Variants in STON2 observed in about 807,000 individuals in gnomAD.
The protein encoded by STON2 is stonin-2.
STON2 carries 29 observed loss-of-function variants against 65.7 expected under a neutral mutation model. The ratio of observed to expected loss-of-function variants is 0.44; its 90% CI spans 0.33 to 0.60. The LOEUF (loss-of-function observed/expected upper bound fraction) is 0.60. Among genes scored for constraint, STON2 ranks in the 20% least tolerant of loss-of-function variants. STON2 has a pLI of 0.03. For missense variants in STON2, 1,054 were observed against 1,118.1 expected (o/e 0.94, Z 0.82); for synonymous variants, 404 against 414.2 (o/e 0.98, Z 0.30).
intron 5 of STON2, among the ~76,000 whole-genome samples, chr14:81,304,936 C>T (rs1183538404): frequency 1.3e-5 from 2 of 151,996 alleles, no homozygotes; most frequent in African/African-American, 4.8e-5. Flanking sequence ...AGACAGATCC[C>T]CAGAAGACCC....
chr14:81,330,694 G>C (rs964549727), intron 4 of STON2, among the ~76,000 whole-genome samples: 1 of 152,152 alleles, frequency 6.6e-6, no homozygotes, highest in Non-Finnish European at 1.5e-5. Flanking sequence ...ACATGATTTA[G>C]CACTTAATTG....
chr14:81,268,418 T>C lies in STON2; in HGVS notation c.2864A>G (p.Gln955Arg). ...ATTCCTTGCCGCAAGGCTTTGTCAC[T>C]GCACTCCACACTCCTTGGGATTTTC... ...EMENPKECGV[Q>R] is the part of the protein sequence containing the mutation. Residue 955 changes from glutamine to arginine, a missense_variant, in exon 8 of 8, where the codon CAG (glutamine) becomes CGG (arginine). Transcript: ENST00000614646. 1.6e-6 allele frequency: 2 copies of C among 1,289,584 alleles called. No individual in the cohort carries two copies. Among genetic ancestry groups the C allele is most frequent in the Non-Finnish European group, 2.0e-6 (2 of 988,696 alleles). The allele number at this position is 1,289,584 out of a possible 1,614,324, so 79.9% of individuals were successfully genotyped here.
At chr14:81,316,870 A>G (rs1302901229) in intron 5 of STON2, among the ~76,000 whole-genome samples, 1 of 152,140 alleles carries the variant, frequency 6.6e-6, no homozygotes, top group Non-Finnish European at 1.5e-5. Context: ...AATACAAAAA[A>G]TTAGCCGGGC....
chr14:81,391,307 A>G lies in STON2; in HGVS notation c.373+4587T>C, dbSNP rs1022180092. Among the ~76,000 whole-genome samples the G allele has an allele frequency of 3.0e-4, 46 of 152,242 alleles. 1 individual carries two copies. Among genetic ancestry groups the G allele is most frequent in the African/African-American group, 9.9e-4 (41 of 41,462 alleles). Reference sequence around the variant, plus strand: ...ATTTCTGCATAATGCCTGCAGTTACATATGTGGTATTATTGCAATATACAG... The same window carrying G: ...ATTTCTGCATAATGCCTGCAGTTACGTATGTGGTATTATTGCAATATACAG... On this transcript the variant is annotated intron_variant, in intron 3 of 7. Transcript: ENST00000614646.
intron 4 of STON2, among the ~76,000 whole-genome samples, chr14:81,331,702 C>T (rs942826281): frequency 2.6e-5 from 4 of 152,162 alleles, no homozygotes; most frequent in Admixed American, 2.6e-4. Flanking sequence ...ATGTTGAAGC[C>T]GTTGGACTTG....
chr14:81,312,366 G>T (rs963646077), intron 5 of STON2, among the ~76,000 whole-genome samples: 2 of 151,850 alleles, frequency 1.3e-5, no homozygotes, highest in African/African-American at 4.8e-5. Context: ...ACTTTTACTG[G>T]TCTTACCTGC....
At chr14:81,352,632 T>C (rs1046635528) in intron 4 of STON2, among the ~76,000 whole-genome samples, 1 of 152,208 alleles carries the variant, frequency 6.6e-6, no homozygotes, top group Non-Finnish European at 1.5e-5. Flanking sequence ...ATTCTTAATT[T>C]TAGCACTTAA....
chr14:81,394,705 C>A (rs1404606662), intron 3 of STON2, among the ~76,000 whole-genome samples: 2 of 152,090 alleles, frequency 1.3e-5, no homozygotes, highest in African/African-American at 4.8e-5. Context: ...ATGCCACATT[C>A]CTGGCTTTGG....
At chr14:81,284,167 A>G (rs966482926) in intron 5 of STON2, among the ~76,000 whole-genome samples, 7 of 152,188 alleles carry the variant, frequency 4.6e-5, no homozygotes, top group African/African-American at 1.7e-4. Flanking sequence ...CAATATTGAA[A>G]TTAGGCCAAT....
Position 81,266,847 on chromosome 14 carries a change from C to T in STON2, c.*1567G>A, listed in dbSNP as rs1894376877. On this transcript the variant is annotated 3_prime_UTR_variant, in exon 8 of 8. Coordinates refer to ENST00000614646, the MANE Select transcript of STON2 (RefSeq NM_001394390.1). ...ACACAAACACACACATCCACAAACACACACTCCACTCTGTACTTAGAGGGT... is the reference window on the plus strand; with the variant it reads ...ACACAAACACACACATCCACAAACATACACTCCACTCTGTACTTAGAGGGT... 2.1e-5 allele frequency: 21 copies of T among 982,122 alleles called. No individual in the cohort carries two copies. The highest frequency in any genetic ancestry group is 2.4e-5 in the Non-Finnish European group (20 of 827,248). The allele number at this position is 982,122 out of a possible 1,614,324, so 60.8% of individuals were successfully genotyped here. A position where few individuals can be genotyped will look rare whatever the true frequency, so the allele number is the denominator to read the frequency against.
intron 1 of STON2, chr14:81,436,043 G>A (rs1482729988): frequency 2.6e-5 from 4 of 152,312 alleles, no homozygotes; most frequent in Admixed American, 6.5e-5. Flanking sequence ...AAGTGTCTGT[G>A]TATGGGGCCA....
At chr14:81,273,674 G>A (rs527245897) in intron 6 of STON2, among the ~76,000 whole-genome samples, 9 of 152,144 alleles carry the variant, frequency 5.9e-5, no homozygotes, top group African/African-American at 1.9e-4. Context: ...GGAATTCAAA[G>A]GTAGCTGCTT....
intron 5 of STON2, among the ~76,000 whole-genome samples, chr14:81,302,787 G>A (rs1473704680): frequency 2.0e-5 from 3 of 152,222 alleles, no homozygotes; most frequent in Non-Finnish European, 4.4e-5. Flanking sequence ...AGATCTGTAA[G>A]CCTCAGGTCC....
Position 81,277,308 on chromosome 14 carries a change from T to C in STON2, c.2174A>G (p.Asp725Gly), listed in dbSNP as rs1406093118. The change falls in exon 6 of 8, where the codon GAT becomes GGT. Residue 725 changes from aspartate (D) to glycine (G), a missense_variant. Physicochemically the swap from Asp to Gly is moderately conservative, Grantham distance 94. Coordinates refer to ENST00000614646, the MANE Select transcript of STON2 (RefSeq NM_001394390.1). ...NSRVILFNPLDACRFELMRFR... is the reference protein window; with the variant it reads ...NSRVILFNPLGACRFELMRFR... ...CCGCATTAGCTCAAACCGGCACGCA[T>C]CCAAAGGGTTGAACAGAATGACCCG... The C allele has an allele frequency of 3.1e-6, 5 of 1,614,016 alleles. No individual in the cohort carries two copies. Among genetic ancestry groups the C allele is most frequent in the Non-Finnish European group, 3.4e-6 (4 of 1,180,042 alleles).
chr14:81,405,111 T>C (rs905555150), upstream of STON2, among the ~76,000 whole-genome samples: 9 of 152,212 alleles, frequency 5.9e-5, no homozygotes, highest in Non-Finnish European at 1.0e-4. Context: ...GTTTCTTGAA[T>C]CTGTATGTCC....
intron 4 of STON2, among the ~76,000 whole-genome samples, chr14:81,361,548 G>T (rs551025091): frequency 6.6e-6 from 1 of 152,110 alleles, no homozygotes; most frequent in Admixed American, 6.5e-5. Flanking sequence ...AAAACTATTG[G>T]AAGAAAATAT....
At position 81,396,234 on chromosome 14, in the gene STON2, T is replaced by C. The variant is rs1444797045; in HGVS notation, c.89-56A>G. The C allele has an allele frequency of 4.6e-6, 7 of 1,526,134 alleles. No homozygotes were observed. In the South Asian group the frequency reaches 5.2e-5, roughly 11 times the overall value. 94.5% of individuals were successfully genotyped at this position (1,526,134 alleles called of 1,614,324 possible). A position where few individuals can be genotyped will look rare whatever the true frequency, so the allele number is the denominator to read the frequency against. On this transcript the variant is annotated intron_variant, in intron 2 of 7. Transcript: ENST00000614646. ...TGAGGAAGGCCGCTCTTCAGAGCCA[T>C]CTCATGGAGGCAAAAACTAAGGATG...
chr14:81,340,526 G>A (rs1049628724), intron 4 of STON2, among the ~76,000 whole-genome samples: 1 of 152,120 alleles, frequency 6.6e-6, no homozygotes, highest in Non-Finnish European at 1.5e-5. Context: ...ATAGCTTTTG[G>A]CACACAGATG....
rs1894309201 is a variant in STON2 at position 81,265,194 on chromosome 14, G to C, written c.*3220C>G. 7.1e-6 allele frequency: 7 copies of C among 984,646 alleles called. No homozygotes were observed. The highest frequency in any genetic ancestry group is 8.4e-6 in the Non-Finnish European group (7 of 829,428). The allele number at this position is 984,646 out of a possible 1,614,324, so 61.0% of individuals were successfully genotyped here. A position where few individuals can be genotyped will look rare whatever the true frequency, so the allele number is the denominator to read the frequency against. On this transcript the variant is annotated 3_prime_UTR_variant, in exon 8 of 8. Coordinates refer to ENST00000614646, the MANE Select transcript of STON2 (RefSeq NM_001394390.1). ...TATTACATAGCTAATTTGCCCACTT[G>C]TATTTTCTTTAGAAGTTATTTAAAC...
Sources: allele counts gnomAD v4.1 joint callset (sites outside exome capture counted in the v4.1 genomes callset), GRCh38; gene constraint gnomAD v4.1.1; transcripts MANE v1.5; gene names NCBI Gene and HGNC (gene_info 2026-07-23, HGNC 2026-07-21).